The following ANP32A variants were observed in gnomAD, a reference collection of about 807,000 sequenced individuals.
ANP32A encodes the protein acidic leucine-rich nuclear phosphoprotein 32 family member A.
In ANP32A, 1 loss-of-function variant was observed where a neutral mutation model predicts 33.9. The observed-to-expected ratio is 0.03, with a 90% confidence interval of 0.01 to 0.14. The LOEUF is 0.14. ANP32A is among the 10% of genes least tolerant of loss of function. The probability of loss-of-function intolerance (pLI) is 1.00; values close to 1 mark genes in which losing one functional copy is unlikely to be tolerated. For synonymous variants in ANP32A, 115 were observed against 120.5 expected (o/e 0.95, Z 0.30); for missense variants, 155 against 306.0 (o/e 0.51, Z 3.68).
chr15:68,780,415 A>G lies in ANP32A; in HGVS notation c.683T>C (p.Leu228Pro), dbSNP rs778469088. The G allele has an allele frequency of 1.9e-6, 3 of 1,614,028 alleles. No individual in the cohort carries two copies. Among genetic ancestry groups the G allele is most frequent in the Non-Finnish European group, 2.5e-6 (3 of 1,179,900 alleles). Residue 228 changes from leucine (L) to proline (P), a missense_variant, in exon 6 of 7, where the codon CTT becomes CCT. Around this residue, in one of 4 missense-constraint regions of ANP32A, gnomAD observed 63 missense variants for 82.8 expected, o/e 0.76. Transcript: ENST00000465139. This position sits in a 1 kb window ranked among gnomAD's most constrained non-coding sequence, Gnocchi z 4.3. ...GAGTAAAAAGGCTGCCATACCACCA[A>G]GCTCTTCTTCATCTTCCTCGTCATC... is the stretch of plus-strand genomic sequence containing the variant. ...EVDDEEDEEE[L>P]GEEERGQKRK...
intron 3 of ANP32A, chr15:68,787,130 A>C: frequency 2.6e-6 from 1 of 381,398 alleles, no homozygotes; most frequent in East Asian, 5.3e-5. Flanking sequence ...GCTGAGCAGA[A>C]ACTGAGTGGA....
chr15:68,789,480 T>A (rs1254536838), intron 1 of ANP32A: 1 of 152,310 alleles, frequency 6.6e-6, no homozygotes, highest in Non-Finnish European at 1.5e-5. Flanking sequence ...CCTAGCTTCT[T>A]CTTTCTGGGC....
Position 68,780,345 on chromosome 15 carries a change from A to C in ANP32A, c.688+65T>G, listed in dbSNP as rs1255995484. ...CCACTGCCAGGGGCCTCTGAGTCTA[A>C]GCAATCTAAGGCCAAAGTGAAAGGG... On this transcript the variant is annotated intron_variant, in intron 6 of 6. Transcript: ENST00000465139. This position sits in a 1 kb window ranked among gnomAD's most constrained non-coding sequence, Gnocchi z 4.3. 3.1e-6 allele frequency: 5 copies of C among 1,611,646 alleles called. No individual in the cohort carries two copies. In the East Asian group the frequency reaches 8.9e-5, roughly 29 times the overall value.
intron 1 of ANP32A, among the ~76,000 whole-genome samples, chr15:68,804,179 T>C (rs1420448905): frequency 1.3e-5 from 2 of 152,230 alleles, no homozygotes; most frequent in African/African-American, 4.8e-5. Flanking sequence ...TAGCAGATTT[T>C]ATAACAGAGA....
chr15:68,788,534 G>A (rs7162391), intron 1 of ANP32A, among the ~76,000 whole-genome samples: 5,956 of 152,302 alleles, frequency 0.039, 424 homozygotes, highest in African/African-American at 0.14. Context: ...CTTCAAGGAC[G>A]GAAACGGTCT....
At chr15:68,782,618 T>C (rs1893883352) in intron 5 of ANP32A, among the ~76,000 whole-genome samples, 1 of 152,184 alleles carries the variant, frequency 6.6e-6, no homozygotes, top group Non-Finnish European at 1.5e-5. Context: ...GCTCAATGAA[T>C]ATCTTAATTA....
At chr15:68,812,207 C>T (rs1894322486) in intron 1 of ANP32A, among the ~76,000 whole-genome samples, 1 of 152,218 alleles carries the variant, frequency 6.6e-6, no homozygotes, top group African/African-American at 2.4e-5. Context: ...GAGGGGCGTG[C>T]CCAAGTGCCA....
chr15:68,810,812 C>G (rs369569709), intron 1 of ANP32A, among the ~76,000 whole-genome samples: 160 of 152,222 alleles, frequency 1.1e-3, no homozygotes, highest in African/African-American at 3.7e-3. Flanking sequence ...GTAATCCCAG[C>G]ACTTTGGGAG....
intron 1 of ANP32A, among the ~76,000 whole-genome samples, chr15:68,816,537 G>A (rs1894384465): frequency 6.6e-6 from 1 of 152,156 alleles, no homozygotes; most frequent in African/African-American, 2.4e-5. Context: ...AAACCATGGA[G>A]GAGCTCAAAG....
Position 68,778,998 on chromosome 15 carries a change from C to T in ANP32A, c.*1083G>A, listed in dbSNP as rs573954081. 2 of 152,208 alleles carry T rather than the reference C, an allele frequency of 1.3e-5. No homozygotes were observed. The highest frequency in any genetic ancestry group is 3.9e-4 in the East Asian group (2 of 5,190). 9.4% of individuals were successfully genotyped at this position (152,208 alleles called of 1,614,324 possible). On this transcript the variant is annotated 3_prime_UTR_variant, in exon 7 of 7. Coordinates refer to ENST00000465139, the MANE Select transcript of ANP32A (RefSeq NM_006305.4). ...CTGAGGGGCAGGAGAAAAACTGGTG[C>T]AGATGTTCTTTTATACAGATGAAAC...
At chr15:68,805,746 T>C (rs1417703241) in intron 1 of ANP32A, among the ~76,000 whole-genome samples, 1 of 152,192 alleles carries the variant, frequency 6.6e-6, no homozygotes, top group Non-Finnish European at 1.5e-5. Flanking sequence ...ACTTGAGTGC[T>C]CAAATGCCAC....
At chr15:68,813,084 G>C (rs553559522) in intron 1 of ANP32A, 1 of 152,212 alleles carries the variant, frequency 6.6e-6, no homozygotes, top group Non-Finnish European at 1.5e-5. Context: ...AATAACAGTG[G>C]AGTAGTAAGT....
intron 1 of ANP32A, among the ~76,000 whole-genome samples, chr15:68,799,815 G>T (rs936860463): frequency 1.3e-5 from 2 of 152,192 alleles, no homozygotes; most frequent in African/African-American, 4.8e-5. Context: ...AACAATTGAA[G>T]GAACTAGTGA....
Position 68,787,472 on chromosome 15 carries a change from G to C in ANP32A, c.268C>G (p.Leu90Val), listed in dbSNP as rs1420337867. 1 of 1,614,226 alleles carries C rather than the reference G, an allele frequency of 6.2e-7. No individual in the cohort carries two copies. ...LEVLAEKCPN[L>V]THLNLSGNKI... is the part of the protein sequence containing the mutation. ...TTGCCACTTAAATTTAGATGCGTGA[G>C]GTTCGGACACTTTTCTGCCAATACT... Residue 90 changes from leucine (L) to valine (V), a missense_variant, in exon 3 of 7, where the codon CTC becomes GTC. Physicochemically the swap from Leu to Val is conservative, Grantham distance 32 (BLOSUM62 1). Coordinates refer to ENST00000465139, the MANE Select transcript of ANP32A (RefSeq NM_006305.4).
Position 68,787,645 on chromosome 15 carries a change from C to CA in ANP32A, c.205-111dup, listed in dbSNP as rs969502226. On this transcript the variant is annotated intron_variant, in intron 2 of 6. Transcript: ENST00000465139. The stretch of plus-strand genomic sequence containing the variant: ...GGCAAGAAGGGAAAGCAGTCTCAGG[C>CA]AATTGTCTGGCATGTTGGTGCAAGC... The CA allele has an allele frequency of 8.4e-5, 134 of 1,595,696 alleles. 1 individual carries two copies. In the African/African-American group the frequency reaches 1.0e-3, roughly 12 times the overall value.
rs117066661 is a variant in ANP32A at position 68,809,844 on chromosome 15, G to A, written c.54+10854C>T. ...ATGCTTACCATGTGCCAGGCACAGT[G>A]TGGAGCTCTGAAGACCACAATGATG... On this transcript the variant is annotated intron_variant, in intron 1 of 6. Coordinates refer to ENST00000465139, the MANE Select transcript of ANP32A (RefSeq NM_006305.4). 8.7e-4 allele frequency among the ~76,000 whole-genome samples: 132 copies of A among 152,382 alleles called. 1 individual carries two copies. The East Asian group carries it at 0.024, about 28-fold the overall frequency.
At chr15:68,792,301 G>A (rs1039019788) in intron 1 of ANP32A, 3 of 152,232 alleles carry the variant, frequency 2.0e-5, no homozygotes, top group African/African-American at 7.2e-5. Flanking sequence ...AAATTACTCT[G>A]CTTGTATCAG....
At chr15:68,813,048 T>G (rs1227384988) in intron 1 of ANP32A, 1 of 152,256 alleles carries the variant, frequency 6.6e-6, no homozygotes, top group Admixed American at 6.5e-5. Flanking sequence ...GGAAAAACAG[T>G]GCTGACTTTA....
chr15:68,814,717 T>C (rs1368734817), intron 1 of ANP32A, among the ~76,000 whole-genome samples: 2 of 152,212 alleles, frequency 1.3e-5, no homozygotes, highest in East Asian at 3.9e-4. Flanking sequence ...TCAAAGCCAC[T>C]ATGCTGCTGG....
Sources: gnomAD v4.1 joint callset for allele counts (sites outside exome capture counted in the v4.1 genomes callset) on GRCh38, gnomAD v4.1.1 for gene constraint, gnomAD v4.1.1 regional missense constraint, Gnocchi (gnomAD v3.1) non-coding constraint, MANE v1.5 for transcripts, NCBI Gene and HGNC (gene_info 2026-07-23, HGNC 2026-07-21) for gene names.